The following THRAP3 variants were observed in gnomAD, a reference collection of about 807,000 sequenced individuals.
THRAP3 encodes thyroid hormone receptor-associated protein 3.
THRAP3 carries 16 observed loss-of-function variants against 101.0 expected under a neutral mutation model. The observed-to-expected ratio is 0.16, with a 90% CI of 0.11 to 0.24. The LOEUF (loss-of-function observed/expected upper bound fraction) is 0.24, where lower values mean the gene tolerates loss of function less well. Among genes scored for constraint, THRAP3 ranks in the 10% least tolerant of loss-of-function variants. THRAP3 has a pLI of 1.00. For synonymous variants in THRAP3, 407 were observed against 422.6 expected, an observed-to-expected ratio of 0.96 and a Z score of 0.45; for missense variants, 989 against 1,202.7, an observed-to-expected ratio of 0.82 and a Z score of 2.63.
intron 1 of THRAP3, among the ~76,000 whole-genome samples, chr1:36,245,166 T>A (rs1412530457): frequency 2.0e-5 from 3 of 150,080 alleles, no homozygotes; most frequent in Non-Finnish European, 4.4e-5. Flanking sequence ...CCCATCCCAA[T>A]CTTTTTTTTT....
At chr1:36,233,478 C>G (rs1444721195) in intron 1 of THRAP3, among the ~76,000 whole-genome samples, 2 of 151,556 alleles carry the variant, frequency 1.3e-5, no homozygotes, top group East Asian at 3.9e-4. Context: ...TGCACTCCAG[C>G]CTTCCAGCCT....
At chr1:36,250,696 G>C (rs56191244) in intron 1 of THRAP3, among the ~76,000 whole-genome samples, 1 of 151,112 alleles carries the variant, frequency 6.6e-6, no homozygotes. Context: ...CGGATCACTT[G>C]AGGGCGGGAG....
chr1:36,285,873 G>A (rs1010097844), intron 3 of THRAP3, among the ~76,000 whole-genome samples: 19 of 152,184 alleles, frequency 1.2e-4, no homozygotes, highest in African/African-American at 3.4e-4. Flanking sequence ...AGTTCATCCC[G>A]CACAAGGGGG....
rs138008100 is a variant in THRAP3 at position 36,240,924 on chromosome 1, C to T, written c.-135+16419C>T. Among the ~76,000 whole-genome samples, 1,491 of 152,068 alleles carry T rather than the reference C, an allele frequency of 9.8e-3. 27 individuals carry two copies. The highest frequency in any genetic ancestry group is 0.034 in the African/African-American group (1,401 of 41,484). ...TTTCCTTCTTAAGATTTTTACTTTT[C>T]GGCCGGGCGCAGTGGCTCACGCCTG... is the stretch of plus-strand genomic sequence containing the variant. On this transcript the variant is annotated intron_variant, in intron 1 of 11. Transcript: ENST00000354618.
chr1:36,284,327 A>G (rs540761346), intron 3 of THRAP3, among the ~76,000 whole-genome samples: 4 of 152,372 alleles, frequency 2.6e-5, no homozygotes, highest in African/African-American at 9.6e-5. Context: ...GACACTTTAC[A>G]TGCTATCATA....
At chr1:36,229,390 C>G (rs534709230) in intron 1 of THRAP3, among the ~76,000 whole-genome samples, 2 of 143,802 alleles carry the variant, frequency 1.4e-5, no homozygotes, top group African/African-American at 5.3e-5. Context: ...GCCACCGTGT[C>G]TGGTCTACAG....
At chr1:36,209,334 T>C in the THRAP3 span, among the ~76,000 whole-genome samples, 1 of 152,176 alleles carries the variant, frequency 6.6e-6, no homozygotes, top group East Asian at 1.9e-4. Context: ...CTAAGCAAGA[T>C]GAAGAGTTTC....
intron 2 of THRAP3, among the ~76,000 whole-genome samples, chr1:36,280,948 G>A (rs1355938266): frequency 4.7e-5 from 7 of 149,480 alleles, no homozygotes; most frequent in African/African-American, 1.7e-4. Flanking sequence ...TTTTTGAGAC[G>A]GAGTTTTGCT....
rs1645811362 is a variant in THRAP3, at chr1:36,287,486, T to C, written c.1040+216T>C. 7.1e-6 allele frequency: 7 copies of C among 985,336 alleles called. 1 individual carries two copies. The South Asian group carries it at 3.3e-4, about 46-fold the overall frequency. 61.0% of individuals were successfully genotyped at this position (985,336 alleles called of 1,614,324 possible). On this transcript the variant is annotated intron_variant, in intron 4 of 11. Coordinates refer to ENST00000354618, the MANE Select transcript of THRAP3 (RefSeq NM_005119.4). The stretch of plus-strand genomic sequence containing the variant: ...TGAATTTGTATTGCAGCATAAACTT[T>C]CTTTAGACTACTCTGCAATGATGTT...
rs750522750 is a variant in THRAP3, at chr1:36,286,638, A to G, written c.408A>G (p.Ser136=). Residue 136 remains serine (S), a synonymous_variant, in exon 4 of 12, where the codon TCA becomes TCG. Coordinates refer to ENST00000354618, the MANE Select transcript of THRAP3 (RefSeq NM_005119.4). The surrounding 1 kb of genome is among the most constrained non-coding windows in gnomAD (Gnocchi z 5.5). ...GGTCCCCAAAGAGAAGGTCCCCTTC[A>G]CCAAGGTCCAGGAGCCATTCTAGAA... ...RSRSPKRRSP[S]PRSRSHSRNS... 3.7e-6 allele frequency: 6 copies of G among 1,614,186 alleles called. No homozygotes were observed. The East Asian group carries it at 1.3e-4, about 36-fold the overall frequency.
intron 2 of THRAP3, among the ~76,000 whole-genome samples, chr1:36,265,617 A>G (rs1645504612): frequency 6.6e-6 from 1 of 152,170 alleles, no homozygotes; most frequent in Non-Finnish European, 1.5e-5. Context: ...AAATAACTGT[A>G]AAGTATAGCA....
the THRAP3 span, among the ~76,000 whole-genome samples, chr1:36,213,821 T>C: frequency 6.8e-6 from 1 of 146,098 alleles, no homozygotes. Flanking sequence ...CACTCCAGCC[T>C]GGGCAACAAG....
In THRAP3 at chr1:36,304,090, A is replaced by G. The variant is rs1398096822; in HGVS notation, c.*73A>G. 1 of 1,441,010 alleles carries G rather than the reference A, an allele frequency of 6.9e-7. No homozygotes were observed. The highest frequency in any genetic ancestry group is 9.1e-7 in the Non-Finnish European group (1 of 1,095,536). 89.3% of individuals were successfully genotyped at this position (1,441,010 alleles called of 1,614,324 possible). On this transcript the variant is annotated 3_prime_UTR_variant, in exon 12 of 12. Transcript: ENST00000354618. ...AGATGGCTGGTGAGGAGCTTAACAG[A>G]GGAACCTCAAGAAGATTCTGAAAAT...
intron 1 of THRAP3, among the ~76,000 whole-genome samples, chr1:36,231,277 C>A (rs1325236531): frequency 1.3e-5 from 2 of 152,156 alleles, no homozygotes; most frequent in South Asian, 4.1e-4. Context: ...CACTGAATTA[C>A]TTTGTTTCCA....
At position 36,300,893 on chromosome 1, in the gene THRAP3, C is replaced by T. The variant is rs1030055345; in HGVS notation, c.2311C>T (p.Arg771Trp). The T allele has an allele frequency of 1.2e-6, 2 of 1,612,996 alleles. No individual in the cohort carries two copies. Among genetic ancestry groups the T allele is most frequent in the East Asian group, 2.2e-5 (1 of 44,880 alleles). Residue 771 changes from arginine (R) to tryptophan (W), a missense_variant, in exon 10 of 12, where the codon CGG (arginine) becomes TGG (tryptophan). Transcript: ENST00000354618. Reference sequence around the variant, plus strand: ...GCTCTTCTCTTTTCACAGGAAGCATCGGAGAGCAAGAGACAGGTCCAGATC... The same window carrying T: ...GCTCTTCTCTTTTCACAGGAAGCATTGGAGAGCAAGAGACAGGTCCAGATC... ...HKGSKKQKKH[R>W]RARDRSRSSS...
rs1216919199 is a variant in THRAP3, at chr1:36,288,751, C to T, written c.1041-309C>T. 5.1e-6 allele frequency: 5 copies of T among 985,264 alleles called. No individual in the cohort carries two copies. The East Asian group carries it at 5.7e-4, about 112-fold the overall frequency. The allele number at this position is 985,264 out of a possible 1,614,324, so 61.0% of individuals were successfully genotyped here. On this transcript the variant is annotated intron_variant, in intron 4 of 11. Transcript: ENST00000354618. ...TTATTTTTTGCCCTAGATCACATTA[C>T]AGGTAAGTAGGTTTTTGTTTTTGTT...
In THRAP3 at chr1:36,231,866, T is replaced by C. The variant is rs901296335; in HGVS notation, c.-135+7361T>C. On this transcript the variant is annotated intron_variant, in intron 1 of 11. Coordinates refer to ENST00000354618, the MANE Select transcript of THRAP3 (RefSeq NM_005119.4). The stretch of plus-strand genomic sequence containing the variant: ...TCGGCTATCAGAAAAAAACTTTTAA[T>C]ATGAAAGTGATTGAGGAATTGGTCA... Among the ~76,000 whole-genome samples, 11 of 152,134 alleles carry C rather than the reference T, an allele frequency of 7.2e-5. No homozygotes were observed. In the East Asian group the frequency reaches 7.7e-4, roughly 11 times the overall value.
upstream of THRAP3, among the ~76,000 whole-genome samples, chr1:36,221,170 G>A (rs1459404759): frequency 7.3e-6 from 1 of 137,710 alleles, no homozygotes; most frequent in African/African-American, 2.8e-5. Flanking sequence ...CTGGGTGACA[G>A]AGTGAGACCC....
intron 2 of THRAP3, among the ~76,000 whole-genome samples, chr1:36,262,594 C>G (rs1166941968): frequency 6.6e-6 from 1 of 152,214 alleles, no homozygotes; most frequent in African/African-American, 2.4e-5. Flanking sequence ...CAGTGGATGT[C>G]TGTATATCAG....
Sources: gnomAD v4.1 joint callset for allele counts (sites outside exome capture counted in the v4.1 genomes callset) on GRCh38, gnomAD v4.1.1 for gene constraint, Gnocchi (gnomAD v3.1) non-coding constraint, MANE v1.5 for transcripts, NCBI Gene and HGNC (gene_info 2026-07-23, HGNC 2026-07-21) for gene names.